Variants in PTPRD observed in about 807,000 individuals in gnomAD.
PTPRD encodes receptor-type tyrosine-protein phosphatase delta.
Under a neutral mutation model 214.5 loss-of-function variants are expected in PTPRD, and 34 were observed. That is an observed-to-expected ratio of 0.16 (90% CI 0.12 to 0.21). The LOEUF is 0.21. Ranked by LOEUF, PTPRD falls within the 10% of genes least tolerant of loss-of-function variation. The pLI is 1.00. For missense variants in PTPRD, 2,545 were observed against 2,398.7 expected (o/e 1.06, Z -1.27); for synonymous variants, 1,128 against 845.7 (o/e 1.33, Z -5.79).
chr9:8,669,019 G>C (rs760448859), intron 12 of PTPRD, among the ~76,000 whole-genome samples: 4 of 152,070 alleles, frequency 2.6e-5, no homozygotes. Context: ...GAACAGCTTT[G>C]TGGGGAGTTC....
At chr9:8,928,911 C>G (rs925221082) in intron 11 of PTPRD, among the ~76,000 whole-genome samples, 6 of 152,078 alleles carry the variant, frequency 3.9e-5, no homozygotes, top group Non-Finnish European at 8.8e-5. Context: ...CTTCGCATCC[C>G]TCGTAAGTTG....
intron 9 of PTPRD, among the ~76,000 whole-genome samples, chr9:9,315,956 T>A (rs1303147596): frequency 6.6e-6 from 1 of 151,278 alleles, no homozygotes; most frequent in East Asian, 2.0e-4. Flanking sequence ...TTGACATATA[T>A]CTGTGCCCAT....
chr9:10,432,328 C>T (rs975933873), intron 2 of PTPRD, among the ~76,000 whole-genome samples: 6 of 150,268 alleles, frequency 4.0e-5, no homozygotes, highest in African/African-American at 1.5e-4. Flanking sequence ...GGAGATATAC[C>T]TAATGCTAGA....
chr9:9,440,995 A>G (rs1429422371), intron 8 of PTPRD, among the ~76,000 whole-genome samples: 1 of 152,212 alleles, frequency 6.6e-6, no homozygotes, highest in Non-Finnish European at 1.5e-5. Flanking sequence ...TAGTCAATCT[A>G]CAGAAAGTTC....
At chr9:8,410,712 A>C (rs1166807214) in intron 35 of PTPRD, among the ~76,000 whole-genome samples, 1 of 152,180 alleles carries the variant, frequency 6.6e-6, no homozygotes, top group African/African-American at 2.4e-5. Flanking sequence ...ACACAGTTAA[A>C]ATTCTGGCTT....
At chr9:9,965,608 C>G (rs571386843) in intron 4 of PTPRD, among the ~76,000 whole-genome samples, 2 of 152,102 alleles carry the variant, frequency 1.3e-5, no homozygotes, top group African/African-American at 4.8e-5. Flanking sequence ...GTTCTATTAC[C>G]TACTCCTTCT....
At chr9:8,362,380 T>C (rs1270086975) in intron 39 of PTPRD, among the ~76,000 whole-genome samples, 1 of 152,116 alleles carries the variant, frequency 6.6e-6, no homozygotes, top group African/African-American at 2.4e-5. Flanking sequence ...GAGAAAATAG[T>C]CTGAAACCAG....
chr9:9,784,554 C>T (rs2098901536), intron 5 of PTPRD, among the ~76,000 whole-genome samples: 2 of 151,964 alleles, frequency 1.3e-5, no homozygotes, highest in Admixed American at 1.3e-4. Flanking sequence ...CATAAGGGAG[C>T]TCTAAAGTCA....
chr9:10,051,918 T>A (rs1017103328), intron 3 of PTPRD, among the ~76,000 whole-genome samples: 4 of 152,180 alleles, frequency 2.6e-5, no homozygotes, highest in Non-Finnish European at 4.4e-5. Context: ...CCACATGTTT[T>A]ACTTAATTAA....
At chr9:8,393,195 A>G (rs1315470193) in intron 36 of PTPRD, among the ~76,000 whole-genome samples, 1 of 152,110 alleles carries the variant, frequency 6.6e-6, no homozygotes, top group African/African-American at 2.4e-5. Context: ...TGCCTTTTCC[A>G]AAAAATGATT....
intron 7 of PTPRD, among the ~76,000 whole-genome samples, chr9:9,621,264 CATCT>C (rs1235484240): frequency 6.6e-6 from 1 of 152,156 alleles, no homozygotes; most frequent in Non-Finnish European, 1.5e-5. Flanking sequence ...TAGAACATCT[CATCT>C]ATTTTTAGAG....
intron 8 of PTPRD, among the ~76,000 whole-genome samples, chr9:9,450,138 G>A (rs888789771): frequency 2.9e-4 from 44 of 149,508 alleles, no homozygotes; most frequent in African/African-American, 1.1e-3. Context: ...GTGTGTGTGT[G>A]TGTATTACAG....
chr9:10,376,760 TA>T (rs2097736101), intron 2 of PTPRD, among the ~76,000 whole-genome samples: 1 of 151,956 alleles, frequency 6.6e-6, no homozygotes, highest in Non-Finnish European at 1.5e-5. Context: ...TTTTATTTTT[TA>T]ATTGTATTTT....
At chr9:10,026,625 A>C (rs2154125547) in intron 4 of PTPRD, among the ~76,000 whole-genome samples, 1 of 152,244 alleles carries the variant, frequency 6.6e-6, no homozygotes. Flanking sequence ...TGCCATCACA[A>C]GGGGGCATTG....
intron 5 of PTPRD, among the ~76,000 whole-genome samples, chr9:9,931,697 G>T (rs968918910): frequency 2.0e-5 from 3 of 151,434 alleles, no homozygotes; most frequent in Admixed American, 6.6e-5. Flanking sequence ...CAAAGCAGCT[G>T]GGAAGCTCGA....
chr9:8,423,626 C>T (rs1254463330), intron 35 of PTPRD, among the ~76,000 whole-genome samples: 1 of 152,144 alleles, frequency 6.6e-6, no homozygotes, highest in Non-Finnish European at 1.5e-5. Context: ...AAACTGGAAT[C>T]TGACTCGTGA....
In PTPRD at chr9:8,326,375, T is replaced by C. The variant is rs904924116; in HGVS notation, c.5534+5207A>G. 5.9e-5 allele frequency among the ~76,000 whole-genome samples: 9 copies of C among 152,290 alleles called. No homozygotes were observed. The South Asian group carries it at 1.9e-3, about 32-fold the overall frequency. On this transcript the variant is annotated intron_variant, in intron 44 of 45. Transcript: ENST00000381196. ...CTGTGTATGTGATGGATTACGTTCATTGATTTGTGTATGTTGAACAAGCCT... is the reference window on the plus strand; with the variant it reads ...CTGTGTATGTGATGGATTACGTTCACTGATTTGTGTATGTTGAACAAGCCT...
At chr9:10,255,068 C>A (rs1426901854) in intron 3 of PTPRD, among the ~76,000 whole-genome samples, 2 of 152,162 alleles carry the variant, frequency 1.3e-5, no homozygotes, top group Non-Finnish European at 2.9e-5. Context: ...AGGACAATAA[C>A]AACAACAATT....
chr9:10,497,409 C>A (rs1340708135), intron 2 of PTPRD, among the ~76,000 whole-genome samples: 1 of 151,930 alleles, frequency 6.6e-6, no homozygotes, highest in African/African-American at 2.4e-5. Context: ...TCTCTTCTAA[C>A]CATGTACTCT....
Sources: allele counts gnomAD v4.1 joint callset (sites outside exome capture counted in the v4.1 genomes callset), GRCh38; gene constraint gnomAD v4.1.1; transcripts MANE v1.5; gene names NCBI Gene and HGNC (gene_info 2026-07-23, HGNC 2026-07-21).